Variants in TLL1 observed in about 807,000 individuals in gnomAD.
The protein encoded by TLL1 is tolloid-like protein 1.
A neutral mutation model predicts 128.2 loss-of-function variants in TLL1; 49 were observed. The ratio of observed to expected loss-of-function variants is 0.38; its 90% CI spans 0.30 to 0.48. The LOEUF (loss-of-function observed/expected upper bound fraction) is 0.48. TLL1 is among the 20% of genes least tolerant of loss of function. The pLI is 0.96. For missense variants in TLL1, 1,123 were observed against 1,242.0 expected (o/e 0.90, Z 1.44); for synonymous variants, 454 against 418.8 (o/e 1.08, Z -1.03).
chr4:166,095,875 G>A (rs769324402), intron 19 of TLL1, among the ~76,000 whole-genome samples: 2 of 151,990 alleles, frequency 1.3e-5, no homozygotes, highest in Non-Finnish European at 2.9e-5. Context: ...CTAAATAACT[G>A]GTTTTATATT....
chr4:166,087,747 G>C (rs112153176), intron 18 of TLL1, among the ~76,000 whole-genome samples: 7,537 of 152,258 alleles, frequency 0.05, 292 homozygotes, highest in African/African-American at 0.091. Flanking sequence ...GTTCATATGA[G>C]AGAACAGCGT....
intron 4 of TLL1, among the ~76,000 whole-genome samples, chr4:165,994,752 A>G (rs1249821834): frequency 6.6e-6 from 1 of 152,164 alleles, no homozygotes; most frequent in Admixed American, 6.5e-5. Flanking sequence ...TCTGGTTTTT[A>G]AACAGAGTTT....
At chr4:166,024,795 T>C (rs1328719963) in intron 8 of TLL1, among the ~76,000 whole-genome samples, 3 of 152,208 alleles carry the variant, frequency 2.0e-5, no homozygotes, top group African/African-American at 4.8e-5. Flanking sequence ...TATATACATA[T>C]ATATTTTTTC....
chr4:166,098,582 C>T (rs562996743), intron 19 of TLL1, among the ~76,000 whole-genome samples: 25 of 152,022 alleles, frequency 1.6e-4, no homozygotes, highest in African/African-American at 6.0e-4. Flanking sequence ...GTAATAAACA[C>T]AGGCTATTGT....
At chr4:166,033,994 A>G (rs1738889540) in intron 9 of TLL1, among the ~76,000 whole-genome samples, 1 of 152,160 alleles carries the variant, frequency 6.6e-6, no homozygotes, top group Non-Finnish European at 1.5e-5. Context: ...CTCATCTATG[A>G]TTTACACATA....
chr4:166,099,798 A>C (rs1307064231), intron 20 of TLL1, among the ~76,000 whole-genome samples: 1 of 152,110 alleles, frequency 6.6e-6, no homozygotes, highest in Non-Finnish European at 1.5e-5. Context: ...CTAACTTCTT[A>C]TTATGCAATA....
chr4:165,950,926 C>A (rs116202235), intron 1 of TLL1, among the ~76,000 whole-genome samples: 1 of 151,922 alleles, frequency 6.6e-6, no homozygotes, highest in South Asian at 2.1e-4. Flanking sequence ...CATTTAAGCT[C>A]GAAAGAGACA....
At chr4:166,059,986 C>T (rs1256702603) in intron 14 of TLL1, 42 bp from the exon 15 acceptor site, 1 of 1,610,766 alleles carries the variant, frequency 6.2e-7, no homozygotes. Context: ...AAGTGGGTGA[C>T]TTCATGGGGA....
intron 1 of TLL1, among the ~76,000 whole-genome samples, chr4:165,883,212 T>A (rs1457262767): frequency 6.6e-6 from 1 of 152,212 alleles, no homozygotes; most frequent in Admixed American, 6.5e-5. Context: ...CTGAGTGTTT[T>A]AAGTTAACTT....
chr4:165,930,548 T>C (rs532618067), intron 1 of TLL1, among the ~76,000 whole-genome samples: 37 of 152,266 alleles, frequency 2.4e-4, no homozygotes, highest in African/African-American at 8.2e-4. Context: ...CAGAGTGAAG[T>C]ACCTCCAACA....
Position 165,966,235 on chromosome 4 carries a change from A to G in TLL1, c.170-23146A>G, listed in dbSNP as rs73863507. ...ACAGGGAGCACTAGCAAACCACCTC[A>G]ATAAAGACAAAAGGGTAGAACAAAG... On this transcript the variant is annotated intron_variant, in intron 1 of 20. Transcript: ENST00000061240. 5.1e-3 allele frequency among the ~76,000 whole-genome samples: 776 copies of G among 152,068 alleles called. 12 individuals carry two copies. The highest frequency in any genetic ancestry group is 0.017 in the African/African-American group (721 of 41,486).
chr4:165,994,131 T>C (rs1010820810), intron 3 of TLL1, among the ~76,000 whole-genome samples: 27 of 152,278 alleles, frequency 1.8e-4, no homozygotes, highest in African/African-American at 5.1e-4. Flanking sequence ...CTTTAGGCTG[T>C]TGTATGGATA....
At chr4:165,934,511 G>C (rs998993848) in intron 1 of TLL1, among the ~76,000 whole-genome samples, 5 of 152,210 alleles carry the variant, frequency 3.3e-5, no homozygotes, top group African/African-American at 1.2e-4. Context: ...ACCTTGTAAA[G>C]ATGGCAGAAA....
At chr4:166,011,789 T>A (rs1737705968) in intron 7 of TLL1, among the ~76,000 whole-genome samples, 1 of 151,552 alleles carries the variant, frequency 6.6e-6, no homozygotes, top group Non-Finnish European at 1.5e-5. Flanking sequence ...ATAGTTTTTA[T>A]TATGTTGAGG....
At chr4:165,931,520 C>CA (rs61316604) in intron 1 of TLL1, among the ~76,000 whole-genome samples, 17,721 of 151,734 alleles carry the variant, frequency 0.12, 1,739 homozygotes, top group African/African-American at 0.27. Flanking sequence ...AGATTGAGAC[C>CA]TCCTGGCCAA....
intron 1 of TLL1, among the ~76,000 whole-genome samples, chr4:165,986,450 T>A (rs1431075962): frequency 6.6e-6 from 1 of 151,986 alleles, no homozygotes; most frequent in East Asian, 1.9e-4. Context: ...GTTGAGAATA[T>A]CAAGATTTAA....
Position 165,875,951 on chromosome 4 carries a change from T to A in TLL1, c.169+1878T>A, listed in dbSNP as rs184127909. Among the ~76,000 whole-genome samples, 243 of 152,334 alleles carry A rather than the reference T, an allele frequency of 1.6e-3. 1 individual carries two copies. Among genetic ancestry groups the A allele is most frequent in the African/African-American group, 5.6e-3 (233 of 41,578 alleles). On this transcript the variant is annotated intron_variant, in intron 1 of 20. Transcript: ENST00000061240. The stretch of plus-strand genomic sequence containing the variant: ...TAGCATTTACTTTTTGTTTCCCCTT[T>A]GATGCTGGTTTATTTTTGAATATAG...
chr4:165,966,797 G>A (rs1289778998), intron 1 of TLL1, among the ~76,000 whole-genome samples: 2 of 152,124 alleles, frequency 1.3e-5, no homozygotes, highest in Admixed American at 6.5e-5. Context: ...GCAAATGGGG[G>A]CAGAGAGAGA....
intron 1 of TLL1, among the ~76,000 whole-genome samples, chr4:165,986,496 G>A (rs777517312): frequency 3.9e-5 from 6 of 151,950 alleles, no homozygotes; most frequent in African/African-American, 7.2e-5. Flanking sequence ...AAGTCTGGCC[G>A]TAAATGAATT....
Sources: gnomAD v4.1 joint callset for allele counts (sites outside exome capture counted in the v4.1 genomes callset) on GRCh38, gnomAD v4.1.1 for gene constraint, MANE v1.5 for transcripts, NCBI Gene and HGNC (gene_info 2026-07-23, HGNC 2026-07-21) for gene names.